Variants in NCALD observed in about 807,000 individuals in gnomAD.
The protein encoded by NCALD is neurocalcin-delta.
Under a neutral mutation model 18.6 loss-of-function variants are expected in NCALD, and 10 were observed. That is an observed-to-expected ratio of 0.54 (90% CI 0.33 to 0.91). The LOEUF (loss-of-function observed/expected upper bound fraction) is 0.91, where lower values mean the gene tolerates loss of function less well. Ranked by LOEUF, NCALD falls within the 40% of genes least tolerant of loss-of-function variation. The probability of loss-of-function intolerance (pLI) is 0.03; values close to 1 mark genes in which losing one functional copy is unlikely to be tolerated. For missense variants in NCALD, 184 were observed against 247.6 expected, an observed-to-expected ratio of 0.74 and a Z score of 1.72; for synonymous variants, 88 against 87.4, an observed-to-expected ratio of 1.01 and a Z score of -0.04.
intron 4 of NCALD, among the ~76,000 whole-genome samples, chr8:101,801,363 A>G (rs1173859328): frequency 6.6e-6 from 1 of 152,158 alleles, no homozygotes; most frequent in Non-Finnish European, 1.5e-5. Context: ...TAATTAATAT[A>G]TTAGTCAATA....
intron 2 of NCALD, among the ~76,000 whole-genome samples, chr8:101,940,814 AG>A (rs1308741710): frequency 6.6e-6 from 1 of 152,252 alleles, no homozygotes; most frequent in Admixed American, 6.5e-5. Flanking sequence ...TCTAAGCTAA[AG>A]GTGCATCACA....
chr8:102,014,700 C>A (rs535759342), intron 2 of NCALD, among the ~76,000 whole-genome samples: 1 of 152,124 alleles, frequency 6.6e-6, no homozygotes, highest in South Asian at 2.1e-4. Flanking sequence ...CACTATACCC[C>A]CCACCCCACC....
chr8:101,719,328 A>G lies in NCALD; in HGVS notation c.302T>C (p.Leu101Pro), dbSNP rs1178164532. 2 of 1,614,194 alleles carry G rather than the reference A, an allele frequency of 1.2e-6. No individual in the cohort carries two copies. The change falls in exon 2 of 4, where the codon CTG becomes CCG. Residue 101 changes from leucine (L) to proline (P), a missense_variant. Leu to Pro is a moderately conservative substitution (Grantham distance 98, BLOSUM62 -3). Transcript: ENST00000220931. ...GTCGTACATGCTGAAGGCCCATTTC[A>G]GCTTCTGCTCCAGCTTCCCCCTCGA... ...VTSRGKLEQK[L>P]KWAFSMYDLD...
chr8:101,828,855 G>A (rs1197997906), intron 4 of NCALD, among the ~76,000 whole-genome samples: 1 of 142,248 alleles, frequency 7.0e-6, no homozygotes, highest in Non-Finnish European at 1.5e-5. Context: ...TTTACTGTCT[G>A]TTTTGTATAA....
chr8:102,012,483 C>T (rs530206141), intron 2 of NCALD, among the ~76,000 whole-genome samples: 13 of 152,312 alleles, frequency 8.5e-5, no homozygotes, highest in African/African-American at 1.2e-4. Context: ...GAGTCAAAGA[C>T]GACAAGGACG....
intron 2 of NCALD, chr8:101,693,692 T>C (rs1814853797): frequency 1.3e-5 from 2 of 152,116 alleles, no homozygotes; most frequent in South Asian, 4.1e-4. Context: ...GAGAGGCAAG[T>C]GGATGCCTAT....
intron 1 of NCALD, among the ~76,000 whole-genome samples, chr8:102,074,800 A>G (rs967341498): frequency 6.6e-6 from 1 of 152,212 alleles, no homozygotes; most frequent in Non-Finnish European, 1.5e-5. Flanking sequence ...TATGCAATAA[A>G]CTAGAACAGT....
intron 4 of NCALD, among the ~76,000 whole-genome samples, chr8:101,803,039 C>T (rs987514766): frequency 1.3e-5 from 2 of 151,976 alleles, no homozygotes; most frequent in African/African-American, 2.4e-5. Context: ...TGGATGAAAT[C>T]GCCTCTGATT....
chr8:101,691,821 A>G (rs1814740359), intron 3 of NCALD: 1 of 985,272 alleles, frequency 1.0e-6, no homozygotes, highest in African/African-American at 1.7e-5. Context: ...GCTGTTCTAT[A>G]GATCAGCGCC....
chr8:101,978,052 T>G (rs2023268), intron 2 of NCALD, among the ~76,000 whole-genome samples: 23,602 of 151,804 alleles, frequency 0.16, 2,653 homozygotes, highest in African/African-American at 0.31. Flanking sequence ...GCTTCTTTTT[T>G]AAGGTAGATG....
intron 4 of NCALD, among the ~76,000 whole-genome samples, chr8:101,829,937 T>A (rs1814099033): frequency 6.6e-6 from 1 of 150,606 alleles, no homozygotes; most frequent in African/African-American, 2.4e-5. Flanking sequence ...CCACCATTTT[T>A]AATAGCATCA....
chr8:101,689,278 A>C lies in NCALD; in HGVS notation c.*31T>G, dbSNP rs1814599849. 6.3e-7 allele frequency: 1 copy of C among 1,598,968 alleles called. No homozygotes were observed. ...AGAAGAATCAAAAGGGAACACAAGCAGCTCTACAATTCGATTGGTGGGCGC... is the reference window on the plus strand; with the variant it reads ...AGAAGAATCAAAAGGGAACACAAGCCGCTCTACAATTCGATTGGTGGGCGC... On this transcript the variant is annotated 3_prime_UTR_variant, in exon 4 of 4. Coordinates refer to ENST00000220931, the MANE Select transcript of NCALD (RefSeq NM_032041.3). This position sits in a 1 kb window ranked among gnomAD's most constrained non-coding sequence, Gnocchi z 4.4.
chr8:101,804,866 C>G (rs528458826), intron 4 of NCALD, among the ~76,000 whole-genome samples: 1 of 151,286 alleles, frequency 6.6e-6, no homozygotes, highest in South Asian at 2.1e-4. Context: ...TTGCAGTGGG[C>G]TGGAATCAAA....
At chr8:102,099,972 A>T (rs572021431) in intron 1 of NCALD, among the ~76,000 whole-genome samples, 1 of 143,584 alleles carries the variant, frequency 7.0e-6, no homozygotes, top group Non-Finnish European at 1.5e-5. Flanking sequence ...ACAGAGCAAG[A>T]CTCTGTCTCA....
chr8:101,898,320 T>C (rs1160739329), intron 3 of NCALD, among the ~76,000 whole-genome samples: 1 of 152,222 alleles, frequency 6.6e-6, no homozygotes, highest in Non-Finnish European at 1.5e-5. Flanking sequence ...ATGAGCTTAT[T>C]TGCCATCCAA....
At chr8:101,730,993 C>T (rs1179404514) in intron 1 of NCALD, among the ~76,000 whole-genome samples, 1 of 152,062 alleles carries the variant, frequency 6.6e-6, no homozygotes, top group African/African-American at 2.4e-5. Context: ...TTGCAGAATA[C>T]CAGCAGTCAG....
At chr8:101,953,351 C>T (rs961543661) in intron 2 of NCALD, among the ~76,000 whole-genome samples, 9 of 152,166 alleles carry the variant, frequency 5.9e-5, no homozygotes, top group Admixed American at 2.0e-4. Flanking sequence ...TGATGTGAAC[C>T]GAGGGTCAGC....
Position 101,834,627 on chromosome 8 carries a change from G to C in NCALD, c.-20+52514C>G, listed in dbSNP as rs566833833. ...GTGGTAAAGGGATCTGTACTGCCAG[G>C]TAGCACATGTAGAAGTATGATTTTC... On this transcript the variant is annotated intron_variant, in intron 4 of 6. Coordinates refer to the NCALD transcript ENST00000311028. Among the ~76,000 whole-genome samples the C allele has an allele frequency of 3.3e-5, 5 of 152,332 alleles. No individual in the cohort carries two copies. In the South Asian group the frequency reaches 8.3e-4, roughly 25 times the overall value.
intron 2 of NCALD, among the ~76,000 whole-genome samples, chr8:101,941,233 GT>G (rs1818943955): frequency 3.3e-5 from 5 of 152,188 alleles, no homozygotes. Flanking sequence ...GGAGGACATG[GT>G]TTCGGGATGA....
Sources: gnomAD v4.1 joint callset for allele counts (sites outside exome capture counted in the v4.1 genomes callset) on GRCh38, gnomAD v4.1.1 for gene constraint, Gnocchi (gnomAD v3.1) non-coding constraint, MANE v1.5 for transcripts, NCBI Gene and HGNC (gene_info 2026-07-23, HGNC 2026-07-21) for gene names.